NAA25: variants seen among roughly 807,000 people sequenced by gnomAD.
NAA25 encodes N-terminal acetyltransferase B complex subunit NAA25.
Under a neutral mutation model 132.5 loss-of-function variants are expected in NAA25, and 30 were observed. That is an observed-to-expected ratio of 0.23 (90% CI 0.17 to 0.31). The LOEUF (loss-of-function observed/expected upper bound fraction) is 0.31. Among genes scored for constraint, NAA25 ranks in the 10% least tolerant of loss-of-function variants. The pLI is 1.00. For synonymous variants in NAA25, 359 were observed against 401.9 expected, an observed-to-expected ratio of 0.89 and a Z score of 1.28; for missense variants, 771 against 1,150.4, an observed-to-expected ratio of 0.67 and a Z score of 4.77.
chr12:112,074,341 CAAAAAAAAAAAAA>C lies in NAA25; in HGVS notation c.866+321_866+333del, dbSNP rs34077129. On this transcript the variant is annotated intron_variant, in intron 9 of 23. Transcript: ENST00000261745. ...GGGTGACAAGAGCCAAACTCCATCT[CAAAAAAAAAAAAA>C]AAAAAAAAAAGGAGAAAAAGAAAAA... 8.3e-4 allele frequency among the ~76,000 whole-genome samples: 29 copies of C among 34,910 alleles called. No individual in the cohort carries two copies. The East Asian group carries it at 0.012, about 15-fold the overall frequency. The allele number at this position is 34,910 out of a possible 152,430, so 22.9% of individuals were successfully genotyped here. A position where few individuals can be genotyped will look rare whatever the true frequency, so the allele number is the denominator to read the frequency against.
intron 1 of NAA25, among the ~76,000 whole-genome samples, chr12:112,101,267 T>C (rs1198974496): frequency 6.6e-6 from 1 of 152,210 alleles, no homozygotes; most frequent in Non-Finnish European, 1.5e-5. Flanking sequence ...AATGGTGATG[T>C]GTACTGTCAT....
intron 19 of NAA25, chr12:112,042,355 A>G (rs2078312358): frequency 4.5e-6 from 1 of 223,874 alleles, no homozygotes; most frequent in African/African-American, 2.3e-5. Flanking sequence ...CTTAAAATCT[A>G]TGTGCTTCAA....
intron 2 of NAA25, among the ~76,000 whole-genome samples, chr12:112,092,517 C>T (rs954016578): frequency 2.6e-5 from 4 of 151,906 alleles, no homozygotes; most frequent in East Asian, 3.9e-4. Context: ...ATCTCAACTA[C>T]GCAGGAGGCT....
chr12:112,048,590 C>T (rs1050733186), intron 15 of NAA25, 147 bp from the exon 16 acceptor site: 2 of 649,688 alleles, frequency 3.1e-6, no homozygotes, highest in Middle Eastern at 4.3e-4. Flanking sequence ...AGAATATTAG[C>T]TTTTTAAAAT....
chr12:112,087,860 A>G lies in NAA25; in HGVS notation c.284-59T>C, dbSNP rs570662588. On this transcript the variant is annotated intron_variant, in intron 3 of 23. Transcript: ENST00000261745. ...TTCAAGAACATTCTAATGGCATTTAATGTTCTTCCTATTTGGCAGAAATAG... is the reference window on the plus strand; with the variant it reads ...TTCAAGAACATTCTAATGGCATTTAGTGTTCTTCCTATTTGGCAGAAATAG... The G allele has an allele frequency of 6.7e-5, 76 of 1,134,452 alleles. No individual in the cohort carries two copies. The Middle Eastern group carries it at 1.6e-3, about 24-fold the overall frequency. The allele number at this position is 1,134,452 out of a possible 1,614,324, so 70.3% of individuals were successfully genotyped here. A position where few individuals can be genotyped will look rare whatever the true frequency, so the allele number is the denominator to read the frequency against.
intron 4 of NAA25, among the ~76,000 whole-genome samples, chr12:112,081,345 A>G (rs1211712860): frequency 1.3e-5 from 2 of 152,236 alleles, no homozygotes; most frequent in Non-Finnish European, 2.9e-5. Flanking sequence ...TTTTTGAACC[A>G]GAATTTACTA....
chr12:112,104,845 A>C (rs1485837601), intron 1 of NAA25, among the ~76,000 whole-genome samples: 2 of 150,772 alleles, frequency 1.3e-5, no homozygotes, highest in Admixed American at 1.3e-4. Context: ...CAAAAAAAAA[A>C]ACAAAACAAA....
At chr12:112,072,694 T>G (rs893116503) in intron 9 of NAA25, among the ~76,000 whole-genome samples, 15 of 151,732 alleles carry the variant, frequency 9.9e-5, no homozygotes, top group African/African-American at 3.6e-4. Context: ...ATCCCAGCAC[T>G]TTGGGATGCT....
chr12:112,044,017 T>A (rs1593756649), intron 17 of NAA25, 149 bp from the exon 18 acceptor site: 1 of 772,892 alleles, frequency 1.3e-6, no homozygotes, highest in Non-Finnish European at 2.0e-6. Context: ...AAGCTCTGCC[T>A]CCCAGGTTCA....
In NAA25 at chr12:112,033,397, A is replaced by G. The variant is rs765494333; in HGVS notation, c.2650-18T>C. ...ACAGGTGGCTGGGAAAAAGATTAAA[A>G]AAGAGTTGAAACATTATCAAACATA... On this transcript the variant is annotated intron_variant, in intron 22 of 23. Transcript: ENST00000261745. The G allele has an allele frequency of 1.3e-5, 20 of 1,589,342 alleles. No homozygotes were observed. The highest frequency in any genetic ancestry group is 1.5e-5 in the Non-Finnish European group (18 of 1,171,780).
Position 112,029,500 on chromosome 12 carries a change from A to G in NAA25, c.*31T>C, listed in dbSNP as rs2078122144. ...GGAAGATGGTGTCATATTCTGTTGC[A>G]GAGTCATCAGTGCCCATGATAGATA... On this transcript the variant is annotated 3_prime_UTR_variant, in exon 24 of 24. Coordinates refer to ENST00000261745, the MANE Select transcript of NAA25 (RefSeq NM_024953.4). 1 of 1,613,506 alleles carries G rather than the reference A, an allele frequency of 6.2e-7. No homozygotes were observed. The highest frequency in any genetic ancestry group is 1.3e-5 in the African/African-American group (1 of 74,898).
Position 112,043,865 on chromosome 12 carries a change from G to A in NAA25, c.2010C>T (p.Asp670=), listed in dbSNP as rs775078749. The A allele has an allele frequency of 8.7e-6, 14 of 1,611,100 alleles. No homozygotes were observed. The Admixed American group carries it at 1.2e-4, about 13-fold the overall frequency. Residue 670 remains aspartate, a synonymous_variant, in exon 18 of 24, where the codon GAC becomes GAT. Transcript: ENST00000261745. ...AAAGTTTCTTATGTTCTTCAGAAAC[G>A]TCCCTTAAACAGAAACATCCCCAAA... The part of the protein sequence containing the change: ...VFFSWDPKDR[D]VSEEHKKLSL...
intron 22 of NAA25, among the ~76,000 whole-genome samples, chr12:112,038,412 G>T (rs2078255349): frequency 6.6e-6 from 1 of 152,108 alleles, no homozygotes. Context: ...ACCTGTCCTT[G>T]TTCTATCCTG....
intron 10 of NAA25, among the ~76,000 whole-genome samples, chr12:112,069,886 G>A (rs1742992431): frequency 6.6e-6 from 1 of 151,894 alleles, no homozygotes; most frequent in Admixed American, 6.6e-5. Context: ...CCAGCACTTC[G>A]GGAGGCCAAG....
At chr12:112,101,545 T>C (rs1366500800) in intron 1 of NAA25, among the ~76,000 whole-genome samples, 1 of 152,076 alleles carries the variant, frequency 6.6e-6, no homozygotes, top group Non-Finnish European at 1.5e-5. Context: ...TTGCTTGAGG[T>C]CAGGAGTTCA....
At chr12:112,045,466 G>T (rs1013018704) in intron 17 of NAA25, among the ~76,000 whole-genome samples, 1 of 143,976 alleles carries the variant, frequency 6.9e-6, no homozygotes, top group Non-Finnish European at 1.5e-5. Flanking sequence ...CAGCCTGGAC[G>T]ACAGAGTGAG....
At chr12:112,103,868 G>A (rs954699461) in intron 1 of NAA25, among the ~76,000 whole-genome samples, 1 of 152,146 alleles carries the variant, frequency 6.6e-6, no homozygotes, top group Admixed American at 6.6e-5. Flanking sequence ...TTCCTCACAT[G>A]CATAGTTCAC....
chr12:112,071,286 G>A (rs2078804290), intron 10 of NAA25, among the ~76,000 whole-genome samples: 1 of 152,240 alleles, frequency 6.6e-6, no homozygotes, highest in Admixed American at 6.5e-5. Context: ...CTCCCAAAGT[G>A]CTAGGATTAC....
At chr12:112,053,505 A>G (rs2078497098) in intron 15 of NAA25, 53 bp downstream of exon 15, 2 of 1,290,926 alleles carry the variant, frequency 1.5e-6, no homozygotes, top group Non-Finnish European at 1.1e-6. Context: ...GTGCTCCTCA[A>G]TAGTGTGCAG....
Sources: allele counts gnomAD v4.1 joint callset (sites outside exome capture counted in the v4.1 genomes callset), GRCh38; gene constraint gnomAD v4.1.1; transcripts MANE v1.5; gene names NCBI Gene and HGNC (gene_info 2026-07-23, HGNC 2026-07-21).